Variants in ASAH2 observed in about 807,000 individuals in gnomAD.
ASAH2 encodes the protein neutral ceramidase.
In ASAH2, 58 loss-of-function variants were observed where a neutral mutation model predicts 82.9. The observed-to-expected ratio is 0.70, with a 90% CI of 0.57 to 0.87. The LOEUF (loss-of-function observed/expected upper bound fraction) is 0.87, where lower values mean the gene tolerates loss of function less well. Among genes scored for constraint, ASAH2 ranks in the 40% least tolerant of loss-of-function variants. ASAH2 has a pLI of 0.00. For missense variants in ASAH2, 779 were observed against 834.0 expected (o/e 0.93, Z 0.81); for synonymous variants, 276 against 289.7 (o/e 0.95, Z 0.48).
intron 8 of ASAH2, 86 bp from the exon 9 acceptor site, chr10:50,214,954 C>G: frequency 3.3e-6 from 5 of 1,523,952 alleles, no homozygotes; most frequent in Non-Finnish European, 4.5e-6. Flanking sequence ...TAAATCCACT[C>G]TGGCAAACTA....
rs796103962 is a variant in ASAH2 at position 50,188,934 on chromosome 10, A to G, written c.2153+565T>C. On this transcript the variant is annotated intron_variant, in intron 20 of 20. Transcript: ENST00000682911. ...ATCAAATCTTCAAAATATCTATTCA[A>G]CTCAGGAATTTGGTAGCAAAAGGCA... 0.016 allele frequency among the ~76,000 whole-genome samples: 2,109 copies of G among 129,472 alleles called. 177 individuals are homozygous for G. In the East Asian group the frequency reaches 0.28, roughly 17 times the overall value. The allele number at this position is 129,472 out of a possible 152,430, so 84.9% of individuals were successfully genotyped here. A position where few individuals can be genotyped will look rare whatever the true frequency, so the allele number is the denominator to read the frequency against.
At chr10:50,201,191 A>T (rs1166500230) in intron 16 of ASAH2, among the ~76,000 whole-genome samples, 1 of 151,904 alleles carries the variant, frequency 6.6e-6, no homozygotes, top group Non-Finnish European at 1.5e-5. Context: ...CATTCATCCC[A>T]CGGAGAGCTA....
At chr10:50,216,796 T>A (rs1021029933) in intron 8 of ASAH2, among the ~76,000 whole-genome samples, 3 of 152,214 alleles carry the variant, frequency 2.0e-5, no homozygotes, top group Admixed American at 6.5e-5. Flanking sequence ...ATTGGAGATA[T>A]AAATCTTTTT....
chr10:50,220,937 A>T (rs1845728581), intron 7 of ASAH2, among the ~76,000 whole-genome samples: 1 of 151,020 alleles, frequency 6.6e-6, no homozygotes, highest in Admixed American at 6.6e-5. Flanking sequence ...ATGGAGATTC[A>T]TTACATTAAT....
intron 9 of ASAH2, among the ~76,000 whole-genome samples, chr10:50,214,092 T>C (rs1845534130): frequency 6.6e-6 from 1 of 152,124 alleles, no homozygotes; most frequent in African/African-American, 2.4e-5. Context: ...CATTGAAAAG[T>C]TTCTAAGACA....
At chr10:50,209,662 A>G (rs1845401049) in intron 12 of ASAH2, among the ~76,000 whole-genome samples, 1 of 152,184 alleles carries the variant, frequency 6.6e-6, no homozygotes, top group South Asian at 2.1e-4. Flanking sequence ...CGTATACAGA[A>G]TACACAAAGA....
intron 2 of ASAH2, among the ~76,000 whole-genome samples, chr10:50,247,371 G>T (rs1358054643): frequency 6.6e-6 from 1 of 151,360 alleles, no homozygotes; most frequent in Non-Finnish European, 1.5e-5. Flanking sequence ...TGCCACGTTG[G>T]CCAGGCTGGT....
chr10:50,187,075 T>A lies in ASAH2; in HGVS notation c.*240A>T. ...TATATGGCTGCTGGAGCAAGATATA[T>A]GGGACAAACCTCTCTCTCTCTCTCT... On this transcript the variant is annotated 3_prime_UTR_variant, in exon 21 of 21. Transcript: ENST00000682911. 2.6e-6 allele frequency: 1 copy of A among 390,188 alleles called. No individual in the cohort carries two copies. The highest frequency in any genetic ancestry group is 4.7e-6 in the Non-Finnish European group (1 of 213,072). The allele number at this position is 390,188 out of a possible 1,614,324, so 24.2% of individuals were successfully genotyped here. A position where few individuals can be genotyped will look rare whatever the true frequency, so the allele number is the denominator to read the frequency against.
At chr10:50,223,130 AATT>A (rs1845789768) in intron 7 of ASAH2, among the ~76,000 whole-genome samples, 1 of 152,236 alleles carries the variant, frequency 6.6e-6, no homozygotes, top group Non-Finnish European at 1.5e-5. Context: ...AAAATTTAAA[AATT>A]ATTGAGACTG....
At chr10:50,248,286 T>C (rs567285940) in intron 2 of ASAH2, among the ~76,000 whole-genome samples, 198 bp downstream of exon 2, 24 of 152,352 alleles carry the variant, frequency 1.6e-4, no homozygotes, top group African/African-American at 3.8e-4. Flanking sequence ...CAGCTGGCTA[T>C]TGGGGACAAA....
chr10:50,210,982 C>A (rs1254082882), intron 11 of ASAH2, 48 bp downstream of exon 11: 8 of 1,600,604 alleles, frequency 5.0e-6, no homozygotes, highest in Admixed American at 1.7e-5. Flanking sequence ...GAGATCAAAC[C>A]AAAACTTCAC....
At chr10:50,205,866 G>A in intron 13 of ASAH2, 116 bp downstream of exon 13, 2 of 890,850 alleles carry the variant, frequency 2.2e-6, no homozygotes, top group African/African-American at 1.7e-5. Context: ...ACTTGATATG[G>A]GAATATCTAA....
At chr10:50,232,413 C>A (rs1480043056) in intron 7 of ASAH2, among the ~76,000 whole-genome samples, 1 of 152,006 alleles carries the variant, frequency 6.6e-6, no homozygotes, top group Non-Finnish European at 1.5e-5. Flanking sequence ...CAGAGTGAAC[C>A]CAAGCCATTT....
chr10:50,229,748 C>T (rs1845979829), intron 7 of ASAH2, among the ~76,000 whole-genome samples: 2 of 152,250 alleles, frequency 1.3e-5, no homozygotes, highest in South Asian at 4.1e-4. Flanking sequence ...CTTTTCCAAT[C>T]CCCCCATTTT....
intron 13 of ASAH2, among the ~76,000 whole-genome samples, chr10:50,205,269 A>G (rs1414876673): frequency 2.6e-5 from 4 of 152,152 alleles, no homozygotes; most frequent in African/African-American, 9.6e-5. Flanking sequence ...CATTTGGAAT[A>G]GTTTAACTTA....
At chr10:50,207,048 C>A (rs1422278068) in intron 12 of ASAH2, among the ~76,000 whole-genome samples, 4 of 151,716 alleles carry the variant, frequency 2.6e-5, no homozygotes, top group Non-Finnish European at 2.9e-5. Context: ...TGCAAATATG[C>A]AGAAATTAAG....
At chr10:50,203,798 T>G in intron 14 of ASAH2, 119 bp from the exon 15 acceptor site, 2 of 833,980 alleles carry the variant, frequency 2.4e-6, no homozygotes, top group South Asian at 1.4e-5. Context: ...GTAAAATATG[T>G]AGGAACCCAA....
At chr10:50,245,120 G>T in intron 3 of ASAH2, 102 bp downstream of exon 3, 2 of 1,037,174 alleles carry the variant, frequency 1.9e-6, no homozygotes, top group Non-Finnish European at 2.9e-6. Context: ...AAAGCTAAAA[G>T]AAGATAATGA....
At position 50,206,063 on chromosome 10, in the gene ASAH2, A is replaced by C; in HGVS notation, c.1449T>G (p.Ile483Met). ...ATGGCTTTCCCAGGATCTGGTCCCG[A>C]ATGGTGTCCCAAAATGGATCCCCTT... ...KTEGDPFWDT[I>M]RDQILGKPSE... The change falls in exon 13 of 21, where the codon ATT becomes ATG. Residue 483 changes from isoleucine (I) to methionine (M), a missense_variant. Physicochemically the swap from Ile to Met is conservative, Grantham distance 10. Transcript: ENST00000682911. 1 of 1,612,654 alleles carries C rather than the reference A, an allele frequency of 6.2e-7. No homozygotes were observed. Among genetic ancestry groups the C allele is most frequent in the Non-Finnish European group, 8.5e-7 (1 of 1,178,890 alleles).
Sources: allele counts gnomAD v4.1 joint callset (sites outside exome capture counted in the v4.1 genomes callset), GRCh38; gene constraint gnomAD v4.1.1; transcripts MANE v1.5; gene names NCBI Gene and HGNC (gene_info 2026-07-23, HGNC 2026-07-21).